ARL17B: variants seen among roughly 807,000 people sequenced by gnomAD.
ARL17B encodes the protein ARF like GTPase 17B, also known as ADP-ribosylation factor-like protein 17.
chr17:46,323,406 T>G (rs1470921267), intron 3 of ARL17B, among the ~76,000 whole-genome samples: 2 of 102,110 alleles, frequency 2.0e-5, no homozygotes, highest in East Asian at 5.0e-4. Flanking sequence ...TAATTTTTTT[T>G]TTGTTTTTGA....
At chr17:46,278,662 A>G (rs1211161391) in intron 4 of ARL17B, among the ~76,000 whole-genome samples, 1 of 152,020 alleles carries the variant, frequency 6.6e-6, no homozygotes, top group Non-Finnish European at 1.5e-5. Context: ...TCGGCCTCCC[A>G]AAGTGCTGAG....
downstream of ARL17B, chr17:46,330,582 G>T (rs765370857): frequency 3.3e-5 from 7 of 212,638 alleles, 2 homozygotes; most frequent in South Asian, 3.8e-4. Context: ...AACTTGTCAG[G>T]CTTTGGGAGT....
At chr17:46,276,249 C>T (rs1306149523) in intron 4 of ARL17B, among the ~76,000 whole-genome samples, 2 of 152,218 alleles carry the variant, frequency 1.3e-5, no homozygotes, top group African/African-American at 4.8e-5. Context: ...AGTCAAAGGA[C>T]TTTATATTGC....
chr17:46,284,179 G>C (rs764862533), intron 4 of ARL17B, among the ~76,000 whole-genome samples: 2 of 152,224 alleles, frequency 1.3e-5, no homozygotes, highest in Admixed American at 1.3e-4. Context: ...GTCAGGCTGG[G>C]GGACGGTCAG....
chr17:46,323,792 T>C lies in ARL17B; in HGVS notation c.260-24127A>G, dbSNP rs1410859938. On this transcript the variant is annotated intron_variant, in intron 3 of 4. Coordinates refer to the ARL17B transcript ENST00000434041. ...TCCATATCTGCAGGTTCCTCATCCA[T>C]AGATTCAACGAACCATGGATGGAGA... Among the ~76,000 whole-genome samples the C allele has an allele frequency of 6.8e-5, 7 of 102,248 alleles. 2 individuals are homozygous for C. Among genetic ancestry groups the C allele is most frequent in the African/African-American group, 2.2e-4 (7 of 31,490 alleles). The allele number at this position is 102,248 out of a possible 152,430, so 67.1% of individuals were successfully genotyped here.
intron 4 of ARL17B, among the ~76,000 whole-genome samples, chr17:46,279,919 G>T (rs1424846632): frequency 6.6e-6 from 1 of 152,270 alleles, no homozygotes; most frequent in South Asian, 2.1e-4. Context: ...ATTATCTAAT[G>T]CATGAGTCAT....
chr17:46,279,993 C>T (rs546765057), intron 4 of ARL17B, among the ~76,000 whole-genome samples: 39 of 152,308 alleles, frequency 2.6e-4, no homozygotes, highest in African/African-American at 4.8e-4. Context: ...GATTGCTTAC[C>T]GCACAGCCTG....
chr17:46,279,077 C>T (rs1253397283), intron 4 of ARL17B, among the ~76,000 whole-genome samples: 1 of 152,294 alleles, frequency 6.6e-6, no homozygotes, highest in African/African-American at 2.4e-5. Flanking sequence ...GGATTATAGG[C>T]ATAAGCCACT....
Position 46,325,577 on chromosome 17 carries a change from G to A in ARL17B, c.260-25912C>T, listed in dbSNP as rs1264637751. The stretch of plus-strand genomic sequence containing the variant: ...TCATGTACTAAGTGTAATGTCTGAT[G>A]TTTGATTGGATTCTGAATTTTTTAA... On this transcript the variant is annotated intron_variant, in intron 3 of 4. Transcript: ENST00000434041. Among the ~76,000 whole-genome samples the A allele has an allele frequency of 2.4e-5, 2 of 81,834 alleles. 1 individual carries two copies. Among genetic ancestry groups the A allele is most frequent in the Non-Finnish European group, 7.4e-5 (2 of 26,956 alleles). 53.7% of individuals were successfully genotyped at this position (81,834 alleles called of 152,430 possible).
intron 3 of ARL17B, among the ~76,000 whole-genome samples, chr17:46,340,907 C>CTTT: frequency 1.3e-5 from 1 of 76,080 alleles, no homozygotes; most frequent in East Asian, 2.4e-4. Flanking sequence ...CTCTTTTATT[C>CTTT]TTTTTTTTTT....
At chr17:46,278,364 CTTTTT>C in intron 4 of ARL17B, among the ~76,000 whole-genome samples, 1 of 151,266 alleles carries the variant, frequency 6.6e-6, no homozygotes, top group Non-Finnish European at 1.5e-5. Flanking sequence ...GAGTCCTAGT[CTTTTT>C]TGTTTTGTTT....
chr17:46,277,976 G>A (rs1272898349), intron 4 of ARL17B, among the ~76,000 whole-genome samples: 1 of 151,078 alleles, frequency 6.6e-6, no homozygotes, highest in African/African-American at 2.4e-5. Flanking sequence ...ATGGAGTCTC[G>A]TTCTTGTCGC....
intron 4 of ARL17B, among the ~76,000 whole-genome samples, chr17:46,286,822 C>T (rs548962806): frequency 2.1e-4 from 32 of 152,356 alleles, no homozygotes; most frequent in African/African-American, 7.7e-4. Flanking sequence ...TCTGCAGATA[C>T]AGTACAATTC....
chr17:46,282,081 T>C (rs1385689404), intron 4 of ARL17B, among the ~76,000 whole-genome samples: 2 of 152,200 alleles, frequency 1.3e-5, no homozygotes, highest in Admixed American at 1.3e-4. Context: ...TTAGCTGGGC[T>C]TGTCCTTCAG....
chr17:46,290,169 GC>G (rs1348329874), intron 4 of ARL17B, among the ~76,000 whole-genome samples: 2 of 152,194 alleles, frequency 1.3e-5, no homozygotes, highest in Non-Finnish European at 2.9e-5. Context: ...TCACTTGATC[GC>G]CCCGGCTAGA....
intron 3 of ARL17B, among the ~76,000 whole-genome samples, chr17:46,323,481 C>A (rs1355438456): frequency 3.1e-5 from 3 of 97,168 alleles, no homozygotes; most frequent in Non-Finnish European, 7.2e-5. Flanking sequence ...ACTGCAACCT[C>A]CACCTCCCAG....
intron 4 of ARL17B, among the ~76,000 whole-genome samples, chr17:46,285,241 CTTTTT>C (rs56201620): frequency 1.4e-5 from 2 of 138,412 alleles, no homozygotes; most frequent in South Asian, 2.2e-4. Context: ...CTTTTCTTTC[CTTTTT>C]TTTTTTTTTT....
At chr17:46,357,103 G>A (rs1204818751) in intron 2 of ARL17B, among the ~76,000 whole-genome samples, 2 of 79,130 alleles carry the variant, frequency 2.5e-5, no homozygotes, top group African/African-American at 1.1e-4. Flanking sequence ...AACCCAGGAG[G>A]CGGAGGTTGT....
At chr17:46,289,371 G>C (rs1165686800) in intron 4 of ARL17B, among the ~76,000 whole-genome samples, 1 of 130,700 alleles carries the variant, frequency 7.7e-6, no homozygotes, top group Non-Finnish European at 1.9e-5. Flanking sequence ...ATGGAGTCTT[G>C]CTGTGTTGCC....
Sources: allele counts gnomAD v4.1 joint callset (sites outside exome capture counted in the v4.1 genomes callset), GRCh38; gene constraint gnomAD v4.1.1; transcripts MANE v1.5; gene names NCBI Gene and HGNC (gene_info 2026-07-23, HGNC 2026-07-21).